BTRC: variants seen among roughly 807,000 people sequenced by gnomAD.
BTRC encodes the protein F-box/WD repeat-containing protein 1A.
In BTRC, 42 loss-of-function variants were observed where a neutral mutation model predicts 85.5. The ratio of observed to expected loss-of-function variants is 0.49; its 90% CI spans 0.38 to 0.64. The LOEUF (loss-of-function observed/expected upper bound fraction) is 0.64. Ranked by LOEUF, BTRC falls within the 30% of genes least tolerant of loss-of-function variation. The probability of loss-of-function intolerance (pLI) is 0.00; values close to 1 mark genes in which losing one functional copy is unlikely to be tolerated. For missense variants in BTRC, 594 were observed against 743.5 expected (o/e 0.80, Z 2.34); for synonymous variants, 255 against 263.3 (o/e 0.97, Z 0.30).
intron 1 of BTRC, among the ~76,000 whole-genome samples, chr10:101,419,348 C>T (rs143886629): frequency 6.6e-6 from 1 of 152,264 alleles, no homozygotes; most frequent in East Asian, 1.9e-4. Context: ...AGTCTGGGCA[C>T]AGCTGACCTG....
At chr10:101,376,524 G>A (rs1263324111) in intron 1 of BTRC, among the ~76,000 whole-genome samples, 1 of 152,134 alleles carries the variant, frequency 6.6e-6, no homozygotes, top group Non-Finnish European at 1.5e-5. Flanking sequence ...TATATCTAGT[G>A]GAAGGACAAT....
At chr10:101,493,805 A>C (rs1946195062) in intron 4 of BTRC, among the ~76,000 whole-genome samples, 1 of 152,156 alleles carries the variant, frequency 6.6e-6, no homozygotes, top group African/African-American at 2.4e-5. Flanking sequence ...GAACCTTGTA[A>C]TCTCTTACTG....
intron 4 of BTRC, among the ~76,000 whole-genome samples, chr10:101,496,801 A>G (rs936816553): frequency 6.6e-6 from 1 of 152,102 alleles, no homozygotes; most frequent in Non-Finnish European, 1.5e-5. Flanking sequence ...TATTTTTCTT[A>G]AAGATTTATA....
At chr10:101,438,893 C>T (rs909169355) in intron 2 of BTRC, among the ~76,000 whole-genome samples, 1 of 152,062 alleles carries the variant, frequency 6.6e-6, no homozygotes, top group Non-Finnish European at 1.5e-5. Context: ...TTTTGTATTC[C>T]CTACTCTGGT....
chr10:101,371,187 T>G (rs1362052435), intron 1 of BTRC, among the ~76,000 whole-genome samples: 1 of 62,758 alleles, frequency 1.6e-5, no homozygotes, highest in Non-Finnish European at 5.1e-5. Context: ...TTGTTTGGTG[T>G]TTTTTTTTTC....
intron 4 of BTRC, among the ~76,000 whole-genome samples, chr10:101,493,449 T>C (rs1403823864): frequency 6.6e-6 from 1 of 152,250 alleles, no homozygotes; most frequent in Non-Finnish European, 1.5e-5. Flanking sequence ...GTTGCAGAAC[T>C]GGAATTTGAA....
Position 101,490,016 on chromosome 10 carries a change from A to G in BTRC, c.324+10559A>G, listed in dbSNP as rs978549530. 5.3e-5 allele frequency among the ~76,000 whole-genome samples: 8 copies of G among 152,254 alleles called. No homozygotes were observed. In the South Asian group the frequency reaches 1.5e-3, roughly 28 times the overall value. On this transcript the variant is annotated intron_variant, in intron 4 of 14. Coordinates refer to ENST00000370187, the MANE Select transcript of BTRC (RefSeq NM_033637.4). Reference sequence around the variant, plus strand: ...AGTCTAGTCCTTTGGCACTTACCCAATACACCCTTAATTAAAGTTCTTATG... The same window carrying G: ...AGTCTAGTCCTTTGGCACTTACCCAGTACACCCTTAATTAAAGTTCTTATG...
At chr10:101,373,939 G>GAAA (rs576923560) in intron 1 of BTRC, among the ~76,000 whole-genome samples, 2 of 124,094 alleles carry the variant, frequency 1.6e-5, no homozygotes. Context: ...AAACAAGACA[G>GAAA]AAAAAAAAAA....
At chr10:101,460,972 G>A (rs1945209045) in intron 2 of BTRC, among the ~76,000 whole-genome samples, 2 of 151,564 alleles carry the variant, frequency 1.3e-5, no homozygotes, top group Admixed American at 6.6e-5. Flanking sequence ...GTGTGATCTC[G>A]GCTCACTGCA....
At chr10:101,524,042 G>A (rs770930256) in intron 5 of BTRC, among the ~76,000 whole-genome samples, 19 of 151,984 alleles carry the variant, frequency 1.3e-4, no homozygotes, top group Non-Finnish European at 2.4e-4. Context: ...CCAGCTCATA[G>A]CCTCCCAACT....
At chr10:101,478,458 T>C (rs981665924) in intron 3 of BTRC, among the ~76,000 whole-genome samples, 6 of 151,820 alleles carry the variant, frequency 4.0e-5, no homozygotes, top group Admixed American at 2.0e-4. Context: ...ATTTTTTTTT[T>C]CTGGATGGTT....
intron 13 of BTRC, among the ~76,000 whole-genome samples, chr10:101,548,143 G>A (rs1056317550): frequency 6.6e-5 from 10 of 152,210 alleles, no homozygotes; most frequent in African/African-American, 2.4e-4. Flanking sequence ...GTTGGTGTGA[G>A]TATAAATTGG....
At chr10:101,543,465 T>G (rs1380595716) in intron 13 of BTRC, among the ~76,000 whole-genome samples, 1 of 143,834 alleles carries the variant, frequency 7.0e-6, no homozygotes, top group African/African-American at 2.6e-5. Flanking sequence ...TTTTTTTTTG[T>G]TTTTTTTTTT....
In BTRC at chr10:101,532,282, T is replaced by G; in HGVS notation, c.841-13T>G. 1 of 1,603,536 alleles carries G rather than the reference T, an allele frequency of 6.2e-7. No individual in the cohort carries two copies. Among genetic ancestry groups the G allele is most frequent in the Non-Finnish European group, 8.5e-7 (1 of 1,176,232 alleles). ...TTTCCTAACACTGCCTCTTTCCCAT[T>G]CCTTCTTCTCAGACAATAGAATCTA... On this transcript the variant is annotated splice_polypyrimidine_tract_variant and intron_variant, in intron 7 of 14. Transcript: ENST00000370187.
At chr10:101,547,339 T>C (rs2062574456) in intron 13 of BTRC, among the ~76,000 whole-genome samples, 1 of 139,518 alleles carries the variant, frequency 7.2e-6, no homozygotes, top group Admixed American at 7.1e-5. Context: ...TTTTTTTTTT[T>C]TTTTTTTTTT....
chr10:101,470,544 G>C (rs1048918934), intron 3 of BTRC, among the ~76,000 whole-genome samples: 1 of 152,070 alleles, frequency 6.6e-6, no homozygotes, highest in East Asian at 1.9e-4. Context: ...TGGCTAGGCT[G>C]GTCTCGAACT....
At chr10:101,434,018 T>A (rs1371213893) in intron 2 of BTRC, among the ~76,000 whole-genome samples, 1 of 152,152 alleles carries the variant, frequency 6.6e-6, no homozygotes, top group African/African-American at 2.4e-5. Context: ...TGGCATATAA[T>A]GCAAATAACA....
intron 2 of BTRC, among the ~76,000 whole-genome samples, chr10:101,458,871 A>C (rs901057147): frequency 1.3e-5 from 2 of 152,134 alleles, no homozygotes; most frequent in Non-Finnish European, 2.9e-5. Context: ...CTCTTTTTTC[A>C]TTGTAACTAT....
chr10:101,459,699 T>G (rs1945172282), intron 2 of BTRC, among the ~76,000 whole-genome samples: 1 of 152,224 alleles, frequency 6.6e-6, no homozygotes, highest in African/African-American at 2.4e-5. Flanking sequence ...TGTTCTATGT[T>G]AGGTTAGTAA....
Sources: gnomAD v4.1 joint callset for allele counts (sites outside exome capture counted in the v4.1 genomes callset) on GRCh38, gnomAD v4.1.1 for gene constraint, MANE v1.5 for transcripts, NCBI Gene and HGNC (gene_info 2026-07-23, HGNC 2026-07-21) for gene names.